Variants in CHST8 observed in about 807,000 individuals in gnomAD.
The protein encoded by CHST8 is GALNAC-4-ST1.
A neutral mutation model predicts 15.0 loss-of-function variants in CHST8; 10 were observed. The ratio of observed to expected loss-of-function variants is 0.67; its 90% confidence interval spans 0.41 to 1.13. CHST8 has a LOEUF of 1.13. CHST8 is among the 50% of genes most tolerant of loss of function. The pLI, the probability that CHST8 is intolerant of heterozygous loss-of-function variation, is 0.00. For synonymous variants in CHST8, 259 were observed against 256.6 expected, an observed-to-expected ratio of 1.01 and a Z score of -0.09; for missense variants, 634 against 608.2, an observed-to-expected ratio of 1.04 and a Z score of -0.45.
At chr19:33,721,111 T>C (rs1027047063) in intron 3 of CHST8, among the ~76,000 whole-genome samples, 7 of 152,198 alleles carry the variant, frequency 4.6e-5, no homozygotes, top group Admixed American at 1.3e-4. Flanking sequence ...GAATCGTTCA[T>C]TGGGAGGCAA....
intron 3 of CHST8, among the ~76,000 whole-genome samples, chr19:33,742,081 T>C (rs776800525): frequency 4.6e-5 from 7 of 152,080 alleles, no homozygotes; most frequent in Non-Finnish European, 4.4e-5. Context: ...AATCTAGAAA[T>C]GTCTGAGTGT....
intron 2 of CHST8, among the ~76,000 whole-genome samples, chr19:33,682,328 C>A (rs867769677): frequency 6.6e-6 from 1 of 151,646 alleles, no homozygotes; most frequent in Middle Eastern, 3.2e-3. Context: ...GCATGCACTA[C>A]CACATGCAGC....
intron 1 of CHST8, among the ~76,000 whole-genome samples, chr19:33,651,185 G>T (rs1221618388): frequency 6.6e-6 from 1 of 152,034 alleles, no homozygotes; most frequent in African/African-American, 2.4e-5. Flanking sequence ...CCCACCTAAG[G>T]TCATGAAGAT....
At chr19:33,761,453 C>A (rs1974726961) in intron 3 of CHST8, among the ~76,000 whole-genome samples, 1 of 152,072 alleles carries the variant, frequency 6.6e-6, no homozygotes, top group East Asian at 1.9e-4. Flanking sequence ...CCCCAGCCTC[C>A]TGAGTAGCTG....
At chr19:33,700,074 G>A (rs527311666) in intron 3 of CHST8, among the ~76,000 whole-genome samples, 9 of 152,292 alleles carry the variant, frequency 5.9e-5, no homozygotes, top group Admixed American at 2.6e-4. Context: ...CGGTCCTCGC[G>A]CAGCTGGGCG....
intron 3 of CHST8, among the ~76,000 whole-genome samples, chr19:33,769,971 G>C (rs1323417642): frequency 6.6e-6 from 1 of 152,194 alleles, no homozygotes; most frequent in Admixed American, 6.5e-5. Flanking sequence ...GGGACTTGAG[G>C]AAGGTTCGGG....
intron 1 of CHST8, among the ~76,000 whole-genome samples, chr19:33,653,990 G>C (rs1946133157): frequency 6.6e-6 from 1 of 152,096 alleles, no homozygotes; most frequent in South Asian, 2.1e-4. Context: ...ATGATTATCA[G>C]TTTTATTTTG....
chr19:33,661,868 A>G (rs896423589), intron 1 of CHST8, among the ~76,000 whole-genome samples: 1 of 68,088 alleles, frequency 1.5e-5, no homozygotes, highest in African/African-American at 8.1e-5. Flanking sequence ...TCATCTTTAC[A>G]AAAAAAAAAA....
chr19:33,749,709 T>C (rs1218128176), intron 3 of CHST8, among the ~76,000 whole-genome samples: 1 of 152,008 alleles, frequency 6.6e-6, no homozygotes, highest in Non-Finnish European at 1.5e-5. Flanking sequence ...CCAGGCACTG[T>C]GGGTGCTAGA....
Position 33,757,384 on chromosome 19 carries a change from A to AAAG in CHST8, c.131-14023_131-14021dup, listed in dbSNP as rs200759461. Among the ~76,000 whole-genome samples the AAAG allele has an allele frequency of 6.7e-5, 7 of 104,890 alleles. 3 individuals carry two copies. Among genetic ancestry groups the AAAG allele is most frequent in the Non-Finnish European group, 7.9e-5 (4 of 50,324 alleles). The allele number at this position is 104,890 out of a possible 152,430, so 68.8% of individuals were successfully genotyped here. On this transcript the variant is annotated intron_variant, in intron 3 of 4. Coordinates refer to ENST00000650847, the MANE Select transcript of CHST8 (RefSeq NM_001127895.2). Reference sequence around the variant, plus strand: ...AACAGAGTGAGACGCGGTCTCAAAAAAAGAAGAAAGAAAGAAAGAAAGAAA... The same window carrying AAAG: ...AACAGAGTGAGACGCGGTCTCAAAAAAAGAAGAAGAAAGAAAGAAAGAAAGAAA...
intron 3 of CHST8, among the ~76,000 whole-genome samples, chr19:33,712,506 G>A (rs909045980): frequency 1.3e-5 from 2 of 152,158 alleles, no homozygotes; most frequent in Non-Finnish European, 2.9e-5. Flanking sequence ...CCTGCTACTT[G>A]TGAATCAGCA....
chr19:33,727,645 C>G (rs563494278), intron 3 of CHST8, among the ~76,000 whole-genome samples: 62 of 152,322 alleles, frequency 4.1e-4, no homozygotes, highest in Non-Finnish European at 7.1e-4. Context: ...CATTTGCTCC[C>G]ATTTCCTCCA....
chr19:33,684,265 G>T (rs866060591), intron 2 of CHST8, among the ~76,000 whole-genome samples: 18 of 152,196 alleles, frequency 1.2e-4, no homozygotes, highest in Non-Finnish European at 2.6e-4. Flanking sequence ...ATGGGGCTGG[G>T]GGGGAGTGGA....
chr19:33,665,608 G>A (rs981803141), intron 1 of CHST8, among the ~76,000 whole-genome samples: 10 of 151,582 alleles, frequency 6.6e-5, no homozygotes, highest in African/African-American at 1.7e-4. Context: ...CTAGCATGTC[G>A]AAAGGATTGT....
intron 3 of CHST8, among the ~76,000 whole-genome samples, chr19:33,702,558 C>T (rs1418637870): frequency 1.3e-5 from 2 of 152,238 alleles, no homozygotes; most frequent in East Asian, 1.9e-4. Flanking sequence ...AACTGGAAAA[C>T]TGGGTCTCCC....
Position 33,682,798 on chromosome 19 carries a change from T to G in CHST8, c.-86-6378T>G, listed in dbSNP as rs17694750. Among the ~76,000 whole-genome samples, 1,029 of 152,336 alleles carry G rather than the reference T, an allele frequency of 6.8e-3. 8 individuals carry two copies. The highest frequency in any genetic ancestry group is 0.026 in the South Asian group (125 of 4,818). On this transcript the variant is annotated intron_variant, in intron 2 of 4. Transcript: ENST00000650847. ...GGGGGGTTCCTAGCATCACAATATA[T>G]TTTAAAGGTTTGGGGATGCATTAGT...
At chr19:33,639,531 T>C (rs1176965747) in intron 1 of CHST8, among the ~76,000 whole-genome samples, 1 of 152,104 alleles carries the variant, frequency 6.6e-6, no homozygotes, top group Non-Finnish European at 1.5e-5. Context: ...AGAGGATTAA[T>C]GGTAAGGTCA....
intron 3 of CHST8, among the ~76,000 whole-genome samples, chr19:33,748,694 C>CA (rs1384101473): frequency 6.6e-6 from 1 of 152,188 alleles, no homozygotes; most frequent in Non-Finnish European, 1.5e-5. Flanking sequence ...CAGCCTTGGA[C>CA]AGTAAGCCCT....
chr19:33,731,036 C>A (rs1973984184), intron 3 of CHST8, among the ~76,000 whole-genome samples: 1 of 152,186 alleles, frequency 6.6e-6, no homozygotes, highest in African/African-American at 2.4e-5. Context: ...TGGTGCCCAC[C>A]CAGATTGAGG....
Sources: gnomAD v4.1 joint callset for allele counts (sites outside exome capture counted in the v4.1 genomes callset) on GRCh38, gnomAD v4.1.1 for gene constraint, MANE v1.5 for transcripts, NCBI Gene and HGNC (gene_info 2026-07-23, HGNC 2026-07-21) for gene names.